The following NSRP1 variants were observed in gnomAD, a reference collection of about 807,000 sequenced individuals.
The protein encoded by NSRP1 is nuclear speckle splicing regulatory protein 1.
NSRP1 carries 24 observed loss-of-function variants against 54.7 expected under a neutral mutation model. The observed-to-expected ratio is 0.44, with a 90% CI of 0.32 to 0.62. The LOEUF is 0.62. NSRP1 is among the 20% of genes least tolerant of loss of function. The probability of loss-of-function intolerance (pLI) is 0.06; values close to 1 mark genes in which losing one functional copy is unlikely to be tolerated. For missense variants in NSRP1, 596 were observed against 651.2 expected, an observed-to-expected ratio of 0.92 and a Z score of 0.92; for synonymous variants, 210 against 213.8, an observed-to-expected ratio of 0.98 and a Z score of 0.15.
At chr17:30,148,744 G>C (rs565580543) in intron 2 of NSRP1, among the ~76,000 whole-genome samples, 1 of 152,128 alleles carries the variant, frequency 6.6e-6, no homozygotes, top group Admixed American at 6.5e-5. Context: ...TTTGGGCTGT[G>C]GATTGGCTGA....
At chr17:30,129,962 A>G (rs2071684737) in intron 2 of NSRP1, among the ~76,000 whole-genome samples, 1 of 152,256 alleles carries the variant, frequency 6.6e-6, no homozygotes, top group Admixed American at 6.5e-5. Context: ...CAATTTGCTA[A>G]AATTTCATCC....
rs964449971 is a variant in NSRP1 at position 30,138,909 on chromosome 17, G to GTTTTTT, written c.114+20757_114+20762dup. On this transcript the variant is annotated intron_variant, in intron 2 of 6. Transcript: ENST00000247026. ...ATGAAGTGGTATCTCAAGTCTTAGC[G>GTTTTTT]TTTTTTTTTTTTTTTTTTTTTTTTT... 1.7e-4 allele frequency among the ~76,000 whole-genome samples: 10 copies of GTTTTTT among 58,188 alleles called. 2 individuals are homozygous for GTTTTTT. Among genetic ancestry groups the GTTTTTT allele is most frequent in the East Asian group, 1.7e-3 (2 of 1,190 alleles). 38.2% of individuals were successfully genotyped at this position (58,188 alleles called of 152,430 possible). A position where few individuals can be genotyped will look rare whatever the true frequency, so the allele number is the denominator to read the frequency against.
intron 2 of NSRP1, among the ~76,000 whole-genome samples, chr17:30,148,813 G>A (rs1218548678): frequency 1.3e-5 from 2 of 152,176 alleles, no homozygotes; most frequent in Admixed American, 1.3e-4. Context: ...AATTGTTCAC[G>A]ATAGTGTTTT....
chr17:30,125,926 G>A (rs1207961364), intron 2 of NSRP1: 1 of 152,140 alleles, frequency 6.6e-6, no homozygotes, highest in African/African-American at 2.4e-5. Context: ...AGATGGTTGG[G>A]GGGGTGGTGA....
At chr17:30,137,536 C>G (rs2071761069) in intron 2 of NSRP1, among the ~76,000 whole-genome samples, 1 of 152,186 alleles carries the variant, frequency 6.6e-6, no homozygotes, top group Non-Finnish European at 1.5e-5. Flanking sequence ...CAGTGAGGAG[C>G]CACAGCCGTC....
At chr17:30,119,545 C>T (rs1350636191) in intron 2 of NSRP1, among the ~76,000 whole-genome samples, 1 of 151,660 alleles carries the variant, frequency 6.6e-6, no homozygotes, top group Non-Finnish European at 1.5e-5. Context: ...CTCTTTCGCC[C>T]AGGCTGGAGT....
intron 2 of NSRP1, among the ~76,000 whole-genome samples, chr17:30,130,947 A>C (rs2071694167): frequency 6.6e-6 from 1 of 152,226 alleles, no homozygotes; most frequent in African/African-American, 2.4e-5. Flanking sequence ...GTGCCAGTGA[A>C]ACATAACAAA....
Position 30,184,803 on chromosome 17 carries a change from G to A in NSRP1, c.806G>A (p.Arg269Lys), listed in dbSNP as rs1467564210. Residue 269 changes from arginine (R) to lysine (K), a missense_variant, in exon 7 of 7, where the codon AGG (arginine) becomes AAG (lysine). Coordinates refer to ENST00000247026, the MANE Select transcript of NSRP1 (RefSeq NM_032141.4). ...EIEETRVNCR[R>K]EKVIETPEND... The stretch of plus-strand genomic sequence containing the variant: ...GAAGAAACTAGAGTGAACTGCAGAA[G>A]GGAAAAGGTCATAGAGACCCCTGAG... 6 of 1,613,850 alleles carry A rather than the reference G, an allele frequency of 3.7e-6. No individual in the cohort carries two copies. The African/African-American group carries it at 6.7e-5, about 18-fold the overall frequency.
At chr17:30,151,323 G>A (rs747750888) in intron 2 of NSRP1, among the ~76,000 whole-genome samples, 5 of 152,022 alleles carry the variant, frequency 3.3e-5, no homozygotes, top group South Asian at 2.1e-4. Context: ...ACCAACACCC[G>A]TGCAGCTGAA....
At chr17:30,182,854 A>C (rs892200001) in intron 6 of NSRP1, among the ~76,000 whole-genome samples, 1 of 151,974 alleles carries the variant, frequency 6.6e-6, no homozygotes, top group Admixed American at 6.6e-5. Flanking sequence ...GAATGGCGTG[A>C]ACACAGGAGG....
chr17:30,121,130 A>G (rs914442266), intron 2 of NSRP1, among the ~76,000 whole-genome samples: 4 of 152,180 alleles, frequency 2.6e-5, no homozygotes, highest in Non-Finnish European at 5.9e-5. Context: ...TTGTAACAGG[A>G]TTGGGCCAGA....
intron 2 of NSRP1, among the ~76,000 whole-genome samples, chr17:30,126,994 T>TC (rs2071655711): frequency 6.6e-6 from 1 of 152,238 alleles, no homozygotes. Context: ...AGGGCAACTG[T>TC]ACAACTTCAT....
chr17:30,176,775 C>G, intron 3 of NSRP1, among the ~76,000 whole-genome samples: 1 of 152,030 alleles, frequency 6.6e-6, no homozygotes. Context: ...GAGAATCTTT[C>G]ACTTTCTAAA....
intron 2 of NSRP1, among the ~76,000 whole-genome samples, chr17:30,170,975 A>G (rs1477352812): frequency 6.6e-6 from 1 of 152,152 alleles, no homozygotes; most frequent in Non-Finnish European, 1.5e-5. Context: ...CCATTCTAAC[A>G]GGTGTGAGGT....
In NSRP1 at chr17:30,181,605, T is replaced by G. The variant is rs558021366; in HGVS notation, c.617+589T>G. 1.2e-3 allele frequency among the ~76,000 whole-genome samples: 164 copies of G among 142,216 alleles called. 2 individuals carry two copies. Among genetic ancestry groups the G allele is most frequent in the Middle Eastern group, 0.01 (3 of 286 alleles). 93.3% of individuals were successfully genotyped at this position (142,216 alleles called of 152,430 possible). A position where few individuals can be genotyped will look rare whatever the true frequency, so the allele number is the denominator to read the frequency against. On this transcript the variant is annotated intron_variant, in intron 6 of 6. Transcript: ENST00000247026. Reference sequence around the variant, plus strand: ...TTGTTGTTGTGTGTGTGGTTTTTTTTTTTTGTTTTTTTTTTTTTTAGATGG... The same window carrying G: ...TTGTTGTTGTGTGTGTGGTTTTTTTGTTTTGTTTTTTTTTTTTTTAGATGG...
intron 2 of NSRP1, chr17:30,128,080 C>G (rs1056678406): frequency 2.7e-6 from 1 of 368,366 alleles, no homozygotes; most frequent in African/African-American, 2.1e-5. Flanking sequence ...CTCAAGTGAT[C>G]CACCTGCTTT....
chr17:30,132,703 AT>A (rs774681185), intron 2 of NSRP1, among the ~76,000 whole-genome samples: 10 of 152,208 alleles, frequency 6.6e-5, no homozygotes, highest in African/African-American at 1.2e-4. Context: ...TTCTCTTGCC[AT>A]TTCTACCCCA....
intron 2 of NSRP1, among the ~76,000 whole-genome samples, chr17:30,123,997 G>T (rs1476069352): frequency 6.6e-6 from 1 of 152,104 alleles, no homozygotes; most frequent in African/African-American, 2.4e-5. Flanking sequence ...ATCATGGCCA[G>T]GCATGATAAC....
chr17:30,117,942 G>A (rs2071557589), intron 1 of NSRP1, 138 bp from the exon 2 acceptor site: 2 of 635,662 alleles, frequency 3.1e-6, no homozygotes, highest in Non-Finnish European at 5.4e-6. Context: ...TCACTGAGAA[G>A]CAAAAACAGT....
Sources: allele counts gnomAD v4.1 joint callset (sites outside exome capture counted in the v4.1 genomes callset), GRCh38; gene constraint gnomAD v4.1.1; transcripts MANE v1.5; gene names NCBI Gene and HGNC (gene_info 2026-07-23, HGNC 2026-07-21).